The following AFG1L variants were observed in gnomAD, a reference collection of about 807,000 sequenced individuals.
AFG1L encodes the protein AFG1-like ATPase.
AFG1L carries 53 observed loss-of-function variants against 62.2 expected under a neutral mutation model. The observed-to-expected ratio is 0.85, with a 90% CI of 0.68 to 1.07. AFG1L has a LOEUF of 1.07. Among genes scored for constraint, AFG1L ranks in the 50% least tolerant of loss-of-function variants. The pLI is 0.00. For missense variants in AFG1L, 555 were observed against 590.5 expected, an observed-to-expected ratio of 0.94 and a Z score of 0.62; for synonymous variants, 228 against 210.3, an observed-to-expected ratio of 1.08 and a Z score of -0.73.
At chr6:108,311,675 G>A (rs1777418317) in intron 1 of AFG1L, among the ~76,000 whole-genome samples, 2 of 151,662 alleles carry the variant, frequency 1.3e-5, no homozygotes, top group Admixed American at 1.3e-4. Flanking sequence ...ACTGCTTTGA[G>A]TGCAGTTAAC....
chr6:108,402,680 T>C (rs1310282564), intron 7 of AFG1L, among the ~76,000 whole-genome samples: 1 of 151,990 alleles, frequency 6.6e-6, no homozygotes, highest in African/African-American at 2.4e-5. Flanking sequence ...TAAATTGAGG[T>C]ATGCTCATAA....
At chr6:108,468,269 T>C (rs979065621) in intron 8 of AFG1L, among the ~76,000 whole-genome samples, 1 of 152,182 alleles carries the variant, frequency 6.6e-6, no homozygotes, top group Admixed American at 6.5e-5. Context: ...ATGGGAAATA[T>C]ATATTTTGAA....
chr6:108,418,489 C>CT (rs987599893), intron 7 of AFG1L, among the ~76,000 whole-genome samples: 3 of 151,880 alleles, frequency 2.0e-5, no homozygotes, highest in African/African-American at 4.8e-5. Flanking sequence ...TCAATAGCAC[C>CT]TTTTTTTTCT....
At position 108,453,373 on chromosome 6, in the gene AFG1L, G is replaced by A. The variant is rs374256057; in HGVS notation, c.890+6077G>A. On this transcript the variant is annotated intron_variant, in intron 8 of 12. Transcript: ENST00000368977. ...TTCTTAAATACTTTTACTAGTGGAA[G>A]TTTTATGTCTCAAGCACTCTTGGTT... 2.6e-5 allele frequency among the ~76,000 whole-genome samples: 4 copies of A among 152,284 alleles called. No individual in the cohort carries two copies. In the East Asian group the frequency reaches 5.8e-4, roughly 22 times the overall value.
chr6:108,382,588 C>T (rs976894012), intron 6 of AFG1L, among the ~76,000 whole-genome samples: 5 of 152,178 alleles, frequency 3.3e-5, no homozygotes, highest in East Asian at 1.9e-4. Context: ...AACATTTCTT[C>T]ATAGAATCAC....
At chr6:108,341,306 T>C (rs1387629472) in intron 2 of AFG1L, among the ~76,000 whole-genome samples, 1 of 152,248 alleles carries the variant, frequency 6.6e-6, no homozygotes, top group African/African-American at 2.4e-5. Flanking sequence ...TCTTGGTTTG[T>C]TGGGTTTAGA....
intron 7 of AFG1L, among the ~76,000 whole-genome samples, chr6:108,429,907 G>A (rs1184527585): frequency 6.6e-6 from 1 of 151,848 alleles, no homozygotes; most frequent in African/African-American, 2.4e-5. Flanking sequence ...CAATCAATGA[G>A]CATGGGAGGT....
At chr6:108,445,633 T>TGAGA (rs59323063) in intron 7 of AFG1L, among the ~76,000 whole-genome samples, 5,711 of 129,740 alleles carry the variant, frequency 0.044, 160 homozygotes, top group Non-Finnish European at 0.054. Flanking sequence ...ACACCTAAGG[T>TGAGA]GAGAGAGAGA....
At chr6:108,461,074 AT>A (rs1245502408) in intron 8 of AFG1L, among the ~76,000 whole-genome samples, 1 of 152,126 alleles carries the variant, frequency 6.6e-6, no homozygotes, top group Admixed American at 6.5e-5. Context: ...TTTTTGAATA[AT>A]TTTTTTCATT....
rs1554204023 is a variant in AFG1L at position 108,500,171 on chromosome 6, C to CGTGTGTGCGT, written c.1063-10034_1063-10033insCGTGTGTGTG. Reference sequence around the variant, plus strand: ...GCTGTGTAGTATTCCATGGTGCGTGCGTGTGTGTGTGTGTGTGTGTGTGTG... The same window carrying CGTGTGTGCGT: ...GCTGTGTAGTATTCCATGGTGCGTGCGTGTGTGCGTGTGTGTGTGTGTGTGTGTGTGTGTG... On this transcript the variant is annotated intron_variant, in intron 10 of 12. Coordinates refer to ENST00000368977, the MANE Select transcript of AFG1L (RefSeq NM_145315.5). Among the ~76,000 whole-genome samples, 445 of 135,128 alleles carry CGTGTGTGCGT rather than the reference C, an allele frequency of 3.3e-3. 4 individuals are homozygous for CGTGTGTGCGT. Among genetic ancestry groups the CGTGTGTGCGT allele is most frequent in the African/African-American group, 0.012 (426 of 34,968 alleles). 88.6% of individuals were successfully genotyped at this position (135,128 alleles called of 152,430 possible). A position where few individuals can be genotyped will look rare whatever the true frequency, so the allele number is the denominator to read the frequency against.
intron 1 of AFG1L, among the ~76,000 whole-genome samples, chr6:108,301,387 C>A (rs1348883990): frequency 6.6e-6 from 1 of 152,152 alleles, no homozygotes; most frequent in African/African-American, 2.4e-5. Context: ...CCCCCCACTC[C>A]CTTTTACAAG....
At chr6:108,324,118 A>G (rs1434147092) in intron 2 of AFG1L, 70 bp downstream of exon 2, 6 of 1,082,446 alleles carry the variant, frequency 5.5e-6, no homozygotes, top group Non-Finnish European at 8.1e-6. Context: ...GATGCAATGC[A>G]GTAGGACACA....
chr6:108,472,779 T>C (rs1332116072), intron 8 of AFG1L, among the ~76,000 whole-genome samples: 1 of 142,824 alleles, frequency 7.0e-6, no homozygotes, highest in African/African-American at 2.6e-5. Flanking sequence ...CCTTCCTCCC[T>C]CCCTCCTTTC....
intron 8 of AFG1L, among the ~76,000 whole-genome samples, chr6:108,449,482 A>T (rs1198193029): frequency 1.3e-5 from 2 of 152,148 alleles, no homozygotes; most frequent in African/African-American, 2.4e-5. Flanking sequence ...GATGCTAGAG[A>T]TGTGTATTAT....
At chr6:108,305,688 C>T (rs1777175640) in intron 1 of AFG1L, among the ~76,000 whole-genome samples, 3 of 152,284 alleles carry the variant, frequency 2.0e-5, no homozygotes, top group South Asian at 4.1e-4. Flanking sequence ...CCGCCTCAGC[C>T]TCCCAAATTG....
At chr6:108,411,276 G>A (rs967413884) in intron 7 of AFG1L, among the ~76,000 whole-genome samples, 5 of 152,216 alleles carry the variant, frequency 3.3e-5, no homozygotes, top group Admixed American at 6.5e-5. Context: ...CTCGAACTGG[G>A]TGGAGCCCAT....
chr6:108,372,053 C>T (rs1173307494), intron 6 of AFG1L, among the ~76,000 whole-genome samples: 1 of 151,914 alleles, frequency 6.6e-6, no homozygotes, highest in Non-Finnish European at 1.5e-5. Context: ...CCATCACGCC[C>T]AGCCTGTTTA....
At chr6:108,352,919 TG>T (rs1253909749) in intron 3 of AFG1L, among the ~76,000 whole-genome samples, 1 of 152,142 alleles carries the variant, frequency 6.6e-6, no homozygotes, top group Non-Finnish European at 1.5e-5. Context: ...TGGTTGAATC[TG>T]GGGATGTAGA....
chr6:108,441,712 A>AATAT lies in AFG1L; in HGVS notation c.808-5486_808-5483dup, dbSNP rs1554198358. 1.7e-3 allele frequency among the ~76,000 whole-genome samples: 231 copies of AATAT among 139,480 alleles called. 2 individuals are homozygous for AATAT. The highest frequency in any genetic ancestry group is 5.7e-3 in the African/African-American group (202 of 35,424). The allele number at this position is 139,480 out of a possible 152,430, so 91.5% of individuals were successfully genotyped here. On this transcript the variant is annotated intron_variant, in intron 7 of 12. Transcript: ENST00000368977. ...ATCTGAGGTTTATTTAAAAAAAAAA[A>AATAT]ATATATATATATATATATAAACTGA...
Sources: allele counts gnomAD v4.1 joint callset (sites outside exome capture counted in the v4.1 genomes callset), GRCh38; gene constraint gnomAD v4.1.1; transcripts MANE v1.5; gene names NCBI Gene and HGNC (gene_info 2026-07-23, HGNC 2026-07-21).